The following MINDY2 variants were observed in gnomAD, a reference collection of about 807,000 sequenced individuals.
The protein encoded by MINDY2 is MINDY lysine 48 deubiquitinase 2.
Under a neutral mutation model 68.2 loss-of-function variants are expected in MINDY2, and 52 were observed. The ratio of observed to expected loss-of-function variants is 0.76; its 90% CI spans 0.61 to 0.96. The LOEUF (loss-of-function observed/expected upper bound fraction) is 0.96. MINDY2 is among the 40% of genes least tolerant of loss of function. The pLI, the probability that MINDY2 is intolerant of heterozygous loss-of-function variation, is 0.00. For missense variants in MINDY2, 881 were observed against 773.4 expected, an observed-to-expected ratio of 1.14 and a Z score of -1.65; for synonymous variants, 372 against 303.0, an observed-to-expected ratio of 1.23 and a Z score of -2.36.
chr15:58,832,527 CT>C (rs199652795), intron 6 of MINDY2, among the ~76,000 whole-genome samples: 104 of 137,474 alleles, frequency 7.6e-4, no homozygotes, highest in Admixed American at 2.1e-3. Context: ...CATGCCCAGA[CT>C]TTTTTTTTTT....
At position 58,855,901 on chromosome 15, in the gene MINDY2, CAG is replaced by C. The variant is rs2033044895; in HGVS notation, c.*1294_*1295del. 6.6e-6 allele frequency: 1 copy of C among 151,546 alleles called. No individual in the cohort carries two copies. The allele number at this position is 151,546 out of a possible 1,614,324, so 9.4% of individuals were successfully genotyped here. On this transcript the variant is annotated 3_prime_UTR_variant, in exon 9 of 9. Coordinates refer to ENST00000559228, the MANE Select transcript of MINDY2 (RefSeq NM_001040450.3). ...CCCTGCTGCACTCCAGCCTGGGTGACAGAGGGAGACTCCGTCTCAAAAAAAAA... is the reference window on the plus strand; with the variant it reads ...CCCTGCTGCACTCCAGCCTGGGTGACAGGGAGACTCCGTCTCAAAAAAAAA...
At chr15:58,786,167 T>C (rs1305413143) in intron 1 of MINDY2, among the ~76,000 whole-genome samples, 1 of 152,196 alleles carries the variant, frequency 6.6e-6, no homozygotes, top group Admixed American at 6.5e-5. Flanking sequence ...CTTATTTTAC[T>C]TGTTGATTAA....
rs1165311034 is a variant in MINDY2 at position 58,840,782 on chromosome 15, G to A, written c.1369-6515G>A. The stretch of plus-strand genomic sequence containing the variant: ...TGCCATTCTCCTGCCTCAGCCTCCC[G>A]AGTAGCTGGGACTACAGGCCCCCGC... On this transcript the variant is annotated intron_variant, in intron 6 of 8. Coordinates refer to ENST00000559228, the MANE Select transcript of MINDY2 (RefSeq NM_001040450.3). 1.6e-3 allele frequency among the ~76,000 whole-genome samples: 234 copies of A among 148,006 alleles called. 1 individual carries two copies. The highest frequency in any genetic ancestry group is 5.4e-3 in the African/African-American group (220 of 40,398).
intron 3 of MINDY2, among the ~76,000 whole-genome samples, chr15:58,804,880 G>A (rs1316256929): frequency 1.3e-5 from 2 of 152,028 alleles, no homozygotes; most frequent in African/African-American, 4.8e-5. Flanking sequence ...GTAATTCCAG[G>A]TACTCAGGAG....
chr15:58,827,135 A>G (rs1370344193), intron 5 of MINDY2, among the ~76,000 whole-genome samples: 2 of 152,174 alleles, frequency 1.3e-5, no homozygotes, highest in African/African-American at 4.8e-5. Context: ...CATGAGCCTG[A>G]TTATCTCATT....
intron 5 of MINDY2, among the ~76,000 whole-genome samples, chr15:58,831,360 A>G (rs1427254936): frequency 1.3e-5 from 2 of 152,102 alleles, no homozygotes; most frequent in African/African-American, 4.8e-5. Context: ...TTAATTTGAA[A>G]ACACCTTGCT....
chr15:58,818,708 C>T (rs572628678), intron 4 of MINDY2, among the ~76,000 whole-genome samples: 7 of 134,236 alleles, frequency 5.2e-5, no homozygotes, highest in South Asian at 2.3e-4. Context: ...GGTGTGATCT[C>T]GGCTCACTGC....
intron 4 of MINDY2, among the ~76,000 whole-genome samples, chr15:58,816,785 C>T (rs1035029877): frequency 2.0e-5 from 3 of 152,010 alleles, no homozygotes; most frequent in Non-Finnish European, 2.9e-5. Context: ...CTATTCCATG[C>T]GCATTAAAGT....
chr15:58,804,382 C>T, intron 3 of MINDY2, among the ~76,000 whole-genome samples: 1 of 152,148 alleles, frequency 6.6e-6, no homozygotes, highest in East Asian at 1.9e-4. Flanking sequence ...AATCATGAAG[C>T]TATTTTTATT....
intron 3 of MINDY2, among the ~76,000 whole-genome samples, chr15:58,806,943 A>G (rs1409193878): frequency 1.3e-5 from 2 of 152,212 alleles, no homozygotes; most frequent in Non-Finnish European, 2.9e-5. Context: ...CAGTATAACA[A>G]TGTTATCCTA....
intron 2 of MINDY2, 115 bp downstream of exon 2, chr15:58,788,078 A>G: frequency 3.1e-6 from 2 of 651,678 alleles, no homozygotes; most frequent in South Asian, 5.8e-5. Context: ...TTAAAATTAT[A>G]GTTTTGAATC....
At chr15:58,828,091 G>C (rs1241025564) in intron 5 of MINDY2, among the ~76,000 whole-genome samples, 1 of 151,724 alleles carries the variant, frequency 6.6e-6, no homozygotes, top group East Asian at 1.9e-4. Flanking sequence ...AAAATTAGCT[G>C]GGTGTGCAGT....
At position 58,821,727 on chromosome 15, in the gene MINDY2, T is replaced by C; in HGVS notation, c.1133T>C (p.Ile378Thr). The change falls in exon 5 of 9, where the codon ATT becomes ACT. Residue 378 changes from isoleucine to threonine, a missense_variant. By Grantham distance (89) the Ile-to-Thr change is moderately conservative. Transcript: ENST00000559228. Reference protein sequence around the residue: ...GWLVDPQIDDIVKAVGNCSYN... With the variant: ...GWLVDPQIDDTVKAVGNCSYN... ...TCATTTGTTTTCTAGATTGATGACATTGTAAAAGCTGTTGGTAACTGCAGC... is the reference window on the plus strand; with the variant it reads ...TCATTTGTTTTCTAGATTGATGACACTGTAAAAGCTGTTGGTAACTGCAGC... The C allele has an allele frequency of 1.3e-6, 2 of 1,569,910 alleles. No homozygotes were observed. Among genetic ancestry groups the C allele is most frequent in the Non-Finnish European group, 8.6e-7 (1 of 1,164,284 alleles).
intron 4 of MINDY2, among the ~76,000 whole-genome samples, chr15:58,821,234 G>A (rs889028968): frequency 6.7e-5 from 10 of 150,078 alleles, no homozygotes; most frequent in Non-Finnish European, 1.2e-4. Context: ...TACTTTTCTA[G>A]GAAATAAGTA....
intron 5 of MINDY2, among the ~76,000 whole-genome samples, chr15:58,830,820 A>G (rs1449677778): frequency 6.6e-6 from 1 of 152,090 alleles, no homozygotes; most frequent in Non-Finnish European, 1.5e-5. Context: ...AGAAGGCAGA[A>G]TGTTGCCTTG....
At chr15:58,813,241 T>C (rs1441094308) in intron 4 of MINDY2, among the ~76,000 whole-genome samples, 5 of 152,196 alleles carry the variant, frequency 3.3e-5, no homozygotes, top group African/African-American at 1.2e-4. Context: ...ACGCCTGTAA[T>C]CTCAGCACTT....
intron 1 of MINDY2, among the ~76,000 whole-genome samples, chr15:58,778,439 A>T (rs1450861723): frequency 6.6e-6 from 1 of 151,830 alleles, no homozygotes; most frequent in African/African-American, 2.4e-5. Flanking sequence ...TTTTATATAA[A>T]GTTGGTTTCT....
chr15:58,844,314 G>C (rs1342610207), intron 6 of MINDY2, among the ~76,000 whole-genome samples: 3 of 152,048 alleles, frequency 2.0e-5, no homozygotes, highest in Non-Finnish European at 4.4e-5. Context: ...TTGGGAGGCC[G>C]AGGCGGGTGG....
At chr15:58,778,801 TC>T (rs1302941760) in intron 1 of MINDY2, among the ~76,000 whole-genome samples, 1 of 134,536 alleles carries the variant, frequency 7.4e-6, no homozygotes, top group Non-Finnish European at 1.5e-5. Flanking sequence ...TAATTTTTTT[TC>T]TTTTTTTCTT....
Sources: gnomAD v4.1 joint callset for allele counts (sites outside exome capture counted in the v4.1 genomes callset) on GRCh38, gnomAD v4.1.1 for gene constraint, MANE v1.5 for transcripts, NCBI Gene and HGNC (gene_info 2026-07-23, HGNC 2026-07-21) for gene names.